CDKL5: variants seen among roughly 807,000 people sequenced by gnomAD.
The protein encoded by CDKL5 is cyclin-dependent kinase-like 5.
Under a neutral mutation model 61.7 loss-of-function variants are expected in CDKL5, and 8 were observed. The ratio of observed to expected loss-of-function variants is 0.13; its 90% CI spans 0.08 to 0.23. The LOEUF is 0.23. Ranked by LOEUF, CDKL5 falls within the 10% of genes least tolerant of loss-of-function variation. CDKL5 has a pLI of 1.00. For synonymous variants in CDKL5, 275 were observed against 272.3 expected (o/e 1.01, Z -0.10); for missense variants, 440 against 734.5 (o/e 0.60, Z 4.63).
intron 3 of CDKL5, among the ~76,000 whole-genome samples, chrX:18,541,017 G>A (rs2147115706): frequency 8.9e-6 from 1 of 112,045 alleles, no homozygotes; most frequent in African/African-American, 3.2e-5. Flanking sequence ...CTTGAAAATT[G>A]TGCTGTTTCC....
At chrX:18,441,808 T>C (rs778044673) in intron 1 of CDKL5, among the ~76,000 whole-genome samples, 1 of 111,363 alleles carries the variant, frequency 9.0e-6, no homozygotes, top group South Asian at 3.8e-4. Flanking sequence ...TTTTCTCCCG[T>C]CCCTTTCTCA....
chrX:18,549,264 A>G (rs1307528658), intron 3 of CDKL5, among the ~76,000 whole-genome samples: 3 of 111,897 alleles, frequency 2.7e-5, no homozygotes, highest in African/African-American at 3.2e-5. Context: ...AAAATTAAGT[A>G]TACTGACTTC....
chrX:18,528,288 G>C (rs1412922697), intron 3 of CDKL5, among the ~76,000 whole-genome samples: 3 of 102,458 alleles, frequency 2.9e-5, no homozygotes, highest in Non-Finnish European at 4.0e-5. Flanking sequence ...TTACTGAAAG[G>C]GGCTGTTAAA....
intron 16 of CDKL5, 39 bp downstream of exon 16, chrX:18,620,005 T>C: frequency 1.2e-6 from 1 of 832,919 alleles, no homozygotes; most frequent in South Asian, 2.2e-5. Context: ...ATAACATGTT[T>C]CTGCATTATT....
chrX:18,601,581 C>T (rs765035979), intron 11 of CDKL5, among the ~76,000 whole-genome samples: 1 of 112,233 alleles, frequency 8.9e-6, no homozygotes, highest in African/African-American at 3.2e-5. Flanking sequence ...TCCACATAGG[C>T]GTTATGTGCA....
intron 1 of CDKL5, among the ~76,000 whole-genome samples, chrX:18,490,522 G>A (rs1487734606): frequency 2.7e-5 from 3 of 110,603 alleles, no homozygotes; most frequent in African/African-American, 6.6e-5. Flanking sequence ...AAATGGAAAC[G>A]TACCAAAGCT....
chrX:18,563,137 T>G (rs1458335105), intron 3 of CDKL5, among the ~76,000 whole-genome samples: 1 of 111,961 alleles, frequency 8.9e-6, no homozygotes, highest in Non-Finnish European at 1.9e-5. Context: ...TGCGCAGTTT[T>G]TCTCTATTCC....
chrX:18,598,506 G>C lies in CDKL5; in HGVS notation c.870G>C (p.Gln290His). 1 of 1,206,837 alleles carries C rather than the reference G, an allele frequency of 8.3e-7. No individual in the cohort carries two copies. The highest frequency in any genetic ancestry group is 1.1e-6 in the Non-Finnish European group (1 of 890,949). The change falls in exon 11 of 18, where the codon CAG becomes CAC. Residue 290 changes from glutamine (Q) to histidine (H), a missense_variant. Transcript: ENST00000623535. ...CAGCTGACAGATACTTGACAGAACA[G>C]TGTTTGAATCACCCTACATTTCAAA... is the stretch of plus-strand genomic sequence containing the variant. ...LDPADRYLTE[Q>H]CLNHPTFQTQ...
chrX:18,645,601 T>G (rs896325751), intron 19 of CDKL5, among the ~76,000 whole-genome samples: 3 of 110,788 alleles, frequency 2.7e-5, no homozygotes, highest in Admixed American at 9.7e-5. Context: ...TCTACTTCTG[T>G]CGGTCTCCAC....
At chrX:18,506,038 C>T (rs1922566300) in intron 1 of CDKL5, among the ~76,000 whole-genome samples, 1 of 112,873 alleles carries the variant, frequency 8.9e-6, no homozygotes, top group Admixed American at 9.4e-5. Context: ...TCAGTAAGGA[C>T]TTTTAAAAAA....
At chrX:18,556,114 C>T (rs1010542248) in intron 3 of CDKL5, among the ~76,000 whole-genome samples, 1 of 111,589 alleles carries the variant, frequency 9.0e-6, no homozygotes, top group Non-Finnish European at 1.9e-5. Flanking sequence ...CTTGAATTTC[C>T]TCCCATTTTA....
Position 18,509,245 on chromosome X carries a change from A to ACCCC in CDKL5, c.65-1574_65-1571dup, listed in dbSNP as rs1555940263. On this transcript the variant is annotated intron_variant, in intron 2 of 17. Coordinates refer to ENST00000623535, the MANE Select transcript of CDKL5 (RefSeq NM_001323289.2). The stretch of plus-strand genomic sequence containing the variant: ...CACACACACACACACACACACACAC[A>ACCCC]CCCCTGTCAAGCAAACTCTGCATTC... Among the ~76,000 whole-genome samples, 15 of 95,351 alleles carry ACCCC rather than the reference A, an allele frequency of 1.6e-4. No homozygotes were observed. The East Asian group carries it at 1.8e-3, about 11-fold the overall frequency. The allele number at this position is 95,351 out of a possible 115,157, so 82.8% of individuals were successfully genotyped here.
intron 1 of CDKL5, among the ~76,000 whole-genome samples, chrX:18,451,039 G>A (rs1049951096): frequency 9.0e-6 from 1 of 111,286 alleles, no homozygotes; most frequent in Non-Finnish European, 1.9e-5. Flanking sequence ...CTGAAGGGTG[G>A]CAGGAGTAAA....
At chrX:18,507,465 T>A (rs1922623915) in intron 2 of CDKL5, among the ~76,000 whole-genome samples, 1 of 108,255 alleles carries the variant, frequency 9.2e-6, no homozygotes, top group Non-Finnish European at 1.9e-5. Context: ...TTTTTTTTTT[T>A]AGCAATCATG....
chrX:18,497,139 T>C (rs768541278), intron 1 of CDKL5, among the ~76,000 whole-genome samples: 155 of 110,572 alleles, frequency 1.4e-3, no homozygotes, highest in Non-Finnish European at 2.4e-3. Context: ...ATTGCAGACA[T>C]ACGCCACCAC....
chrX:18,434,937 GAA>G (rs1192382400), intron 1 of CDKL5, among the ~76,000 whole-genome samples: 4 of 111,492 alleles, frequency 3.6e-5, no homozygotes, highest in Non-Finnish European at 5.7e-5. Flanking sequence ...CAAAAAGGAA[GAA>G]AAAGATTTTG....
chrX:18,518,027 C>T (rs1033161669), intron 3 of CDKL5, among the ~76,000 whole-genome samples: 1 of 111,228 alleles, frequency 9.0e-6, no homozygotes, highest in Non-Finnish European at 1.9e-5. Context: ...AGTAGTACGT[C>T]GTGATCTATT....
At chrX:18,628,186 A>G (rs1429263164) in intron 17 of CDKL5, among the ~76,000 whole-genome samples, 185 bp from the exon 18 acceptor site, 2 of 111,545 alleles carry the variant, frequency 1.8e-5, no homozygotes, top group African/African-American at 6.5e-5. Context: ...AGGCTTTTCC[A>G]TTAAATAATA....
chrX:18,509,164 G>T (rs749489466), intron 2 of CDKL5, among the ~76,000 whole-genome samples: 29 of 88,427 alleles, frequency 3.3e-4, no homozygotes, highest in African/African-American at 1.2e-3. Flanking sequence ...CTGCACTCCA[G>T]CCTGATGAGA....
Sources: allele counts gnomAD v4.1 joint callset (sites outside exome capture counted in the v4.1 genomes callset), GRCh38; gene constraint gnomAD v4.1.1; transcripts MANE v1.5; gene names NCBI Gene and HGNC (gene_info 2026-07-23, HGNC 2026-07-21).